Variants in GREB1L observed in about 807,000 individuals in gnomAD.
The protein encoded by GREB1L is GREB1 like retinoic acid receptor coactivator.
A neutral mutation model predicts 200.8 loss-of-function variants in GREB1L; 17 were observed. That is an observed-to-expected ratio of 0.08 (90% CI 0.06 to 0.13). The LOEUF (loss-of-function observed/expected upper bound fraction) is 0.13, where lower values mean the gene tolerates loss of function less well. GREB1L is among the 10% of genes least tolerant of loss of function. GREB1L has a pLI of 1.00. For missense variants in GREB1L, 1,657 were observed against 2,367.7 expected, an observed-to-expected ratio of 0.70 and a Z score of 6.23; for synonymous variants, 789 against 893.0, an observed-to-expected ratio of 0.88 and a Z score of 2.08.
intron 4 of GREB1L, among the ~76,000 whole-genome samples, chr18:21,391,049 GA>G (rs1230464203): frequency 2.0e-5 from 3 of 152,122 alleles, no homozygotes; most frequent in African/African-American, 4.8e-5. Flanking sequence ...TATTATTGAA[GA>G]AAAAAACATT....
intron 1 of GREB1L, among the ~76,000 whole-genome samples, chr18:21,249,422 C>T (rs1302533156): frequency 2.0e-5 from 3 of 152,194 alleles, no homozygotes; most frequent in Non-Finnish European, 4.4e-5. Flanking sequence ...TCTTTATTAA[C>T]AAACTGTCTG....
Position 21,515,495 on chromosome 18 carries a change from A to C in GREB1L, c.4980A>C (p.Lys1660Asn). 1 of 1,551,648 alleles carries C rather than the reference A, an allele frequency of 6.4e-7. No homozygotes were observed. ...TGCAGCACATTGAAGCCACACCAAA[A>C]ATTGTCCACTATGCAATCTTGGGCA... The part of the protein sequence containing the change: ...TVLQHIEATP[K>N]IVHYAILGIQ... Residue 1660 changes from lysine to asparagine, a missense_variant, in exon 29 of 33, where the codon AAA (lysine) becomes AAC (asparagine). Coordinates refer to ENST00000424526, the MANE Select transcript of GREB1L (RefSeq NM_001142966.3).
chr18:21,481,205 C>T (rs1448305361), intron 17 of GREB1L, among the ~76,000 whole-genome samples: 1 of 151,624 alleles, frequency 6.6e-6, no homozygotes, highest in African/African-American at 2.4e-5. Flanking sequence ...AGGGGATGGC[C>T]CTGGAAAGAC....
intron 1 of GREB1L, among the ~76,000 whole-genome samples, chr18:21,302,706 G>A (rs1598642477): frequency 6.6e-6 from 1 of 151,476 alleles, no homozygotes; most frequent in Non-Finnish European, 1.5e-5. Context: ...TCCAAACAAT[G>A]GCCTTCCATA....
intron 7 of GREB1L, among the ~76,000 whole-genome samples, chr18:21,413,259 C>T (rs940271422): frequency 1.5e-4 from 23 of 152,136 alleles, no homozygotes; most frequent in African/African-American, 5.3e-4. Flanking sequence ...TTTCCATTTC[C>T]CCCAGGACTC....
In GREB1L at chr18:21,515,668, G is replaced by C. The variant is rs964311589; in HGVS notation, c.5129+24G>C. ...AGGTAAGTCAGGCCTCATGGATGCAGGTAATCCTGGCATCTACTGATTGCT... is the reference window on the plus strand; with the variant it reads ...AGGTAAGTCAGGCCTCATGGATGCACGTAATCCTGGCATCTACTGATTGCT... On this transcript the variant is annotated intron_variant, in intron 29 of 32. Transcript: ENST00000424526. 25 of 1,486,390 alleles carry C rather than the reference G, an allele frequency of 1.7e-5. No homozygotes were observed. The African/African-American group carries it at 3.2e-4, about 19-fold the overall frequency. 92.1% of individuals were successfully genotyped at this position (1,486,390 alleles called of 1,614,324 possible). A position where few individuals can be genotyped will look rare whatever the true frequency, so the allele number is the denominator to read the frequency against.
chr18:21,389,703 C>T (rs926802784), intron 4 of GREB1L, among the ~76,000 whole-genome samples: 4 of 152,140 alleles, frequency 2.6e-5, no homozygotes, highest in Non-Finnish European at 4.4e-5. Context: ...CTTAGTCTCC[C>T]TTTTGCAATG....
chr18:21,473,681 T>G (rs1380698424), intron 16 of GREB1L, among the ~76,000 whole-genome samples: 1 of 152,124 alleles, frequency 6.6e-6, no homozygotes, highest in Non-Finnish European at 1.5e-5. Context: ...ACCCTTTTCT[T>G]GCTTCCTCGA....
chr18:21,303,126 G>A (rs1171880883), intron 1 of GREB1L, among the ~76,000 whole-genome samples: 2 of 152,034 alleles, frequency 1.3e-5, no homozygotes, highest in African/African-American at 4.8e-5. Flanking sequence ...CAAAGTGCTG[G>A]GAGCCACCAT....
intron 17 of GREB1L, among the ~76,000 whole-genome samples, chr18:21,483,950 T>C (rs1308093931): frequency 2.9e-5 from 4 of 137,460 alleles, no homozygotes; most frequent in Non-Finnish European, 6.0e-5. Context: ...CACTCCAGCC[T>C]GGGTGACAGA....
intron 1 of GREB1L, among the ~76,000 whole-genome samples, chr18:21,299,872 G>A (rs960992253): frequency 6.6e-6 from 1 of 151,972 alleles, no homozygotes; most frequent in Non-Finnish European, 1.5e-5. Context: ...TATTTTAATT[G>A]TAGTCTGTTA....
rs546681418 is a variant in GREB1L, at chr18:21,515,492, A to G, written c.4977A>G (p.Pro1659=). The G allele has an allele frequency of 4.8e-5, 74 of 1,551,644 alleles. 1 individual carries two copies. In the African/African-American group the frequency reaches 8.7e-4, roughly 18 times the overall value. The part of the protein sequence containing the change: ...KTVLQHIEAT[P]KIVHYAILGI... ...TCTTGCAGCACATTGAAGCCACACC[A>G]AAAATTGTCCACTATGCAATCTTGG... The change falls in exon 29 of 33, where the codon CCA becomes CCG. Residue 1659 remains proline, a synonymous_variant. Transcript: ENST00000424526.
intron 11 of GREB1L, 147 bp downstream of exon 11, chr18:21,444,556 GTAACTTTTCCCT>G: frequency 1.4e-6 from 1 of 694,472 alleles, no homozygotes; most frequent in Non-Finnish European, 2.4e-6. Flanking sequence ...CCCATTCTCT[GTAACTTTTCCCT>G]TTCCTCTCCT....
chr18:21,408,942 G>A (rs981802683), intron 7 of GREB1L, among the ~76,000 whole-genome samples: 23 of 152,104 alleles, frequency 1.5e-4, no homozygotes, highest in Non-Finnish European at 3.1e-4. Context: ...AAATGTGGCA[G>A]CCATTTTGGA....
chr18:21,496,040 C>T (rs973323675), intron 20 of GREB1L, among the ~76,000 whole-genome samples: 14 of 152,064 alleles, frequency 9.2e-5, no homozygotes, highest in African/African-American at 3.4e-4. Flanking sequence ...GGAGGAAAAG[C>T]AGGATTTTTT....
In GREB1L at chr18:21,256,261, T is replaced by C. The variant is rs553132486; in HGVS notation, c.-120+13868T>C. Among the ~76,000 whole-genome samples, 4 of 152,344 alleles carry C rather than the reference T, an allele frequency of 2.6e-5. No individual in the cohort carries two copies. The South Asian group carries it at 8.3e-4, about 32-fold the overall frequency. Reference sequence around the variant, plus strand: ...GTTCTTCTCCAGATTAACTAGAGAATTCAGGTAGCTGTTCTGGCTGCTCTA... The same window carrying C: ...GTTCTTCTCCAGATTAACTAGAGAACTCAGGTAGCTGTTCTGGCTGCTCTA... On this transcript the variant is annotated intron_variant, in intron 1 of 32. Coordinates refer to ENST00000424526, the MANE Select transcript of GREB1L (RefSeq NM_001142966.3).
chr18:21,488,038 C>T (rs1466900862), intron 18 of GREB1L, among the ~76,000 whole-genome samples: 5 of 148,850 alleles, frequency 3.4e-5, no homozygotes, highest in Admixed American at 2.7e-4. Flanking sequence ...GGTGCAGTGG[C>T]TTACACCTGT....
intron 1 of GREB1L, among the ~76,000 whole-genome samples, chr18:21,257,067 T>C (rs2037811405): frequency 6.6e-6 from 1 of 151,640 alleles, no homozygotes; most frequent in Admixed American, 6.6e-5. Context: ...ATTAGACTTG[T>C]TGAATTTGAA....
In GREB1L at chr18:21,449,659, G is replaced by C; in HGVS notation, c.1543G>C (p.Ala515Pro). 6.4e-7 allele frequency: 1 copy of C among 1,551,668 alleles called. No homozygotes were observed. The highest frequency in any genetic ancestry group is 8.7e-7 in the Non-Finnish European group (1 of 1,146,996). The change falls in exon 12 of 33, where the codon GCC becomes CCC. Residue 515 changes from alanine to proline, a missense_variant. Ala to Pro is a conservative substitution (Grantham distance 27). Transcript: ENST00000424526. ...ACTCCCCTGGCTTGCTAGATTAATTGCCAGCGTATCTCAAGACTTGGTTCA... is the reference window on the plus strand; with the variant it reads ...ACTCCCCTGGCTTGCTAGATTAATTCCCAGCGTATCTCAAGACTTGGTTCA... ...GQLPWLARLI[A>P]SVSQDLVHVV...
Sources: allele counts gnomAD v4.1 joint callset (sites outside exome capture counted in the v4.1 genomes callset), GRCh38; gene constraint gnomAD v4.1.1; transcripts MANE v1.5; gene names NCBI Gene and HGNC (gene_info 2026-07-23, HGNC 2026-07-21).